CPED1: variants seen among roughly 807,000 people sequenced by gnomAD.
CPED1 encodes the protein cadherin-like and PC-esterase domain-containing protein 1.
Under a neutral mutation model 128.2 loss-of-function variants are expected in CPED1, and 114 were observed. The observed-to-expected ratio is 0.89, with a 90% CI of 0.76 to 1.04. CPED1 has a LOEUF of 1.04. CPED1 is among the 50% of genes least tolerant of loss of function. The pLI is 0.00. For missense variants in CPED1, 1,211 were observed against 1,207.1 expected, an observed-to-expected ratio of 1.00 and a Z score of -0.05; for synonymous variants, 462 against 426.7, an observed-to-expected ratio of 1.08 and a Z score of -1.02.
chr7:121,098,775 TATATAAAAATATATAA>T (rs1794764697), intron 6 of CPED1, among the ~76,000 whole-genome samples: 6 of 117,220 alleles, frequency 5.1e-5, no homozygotes, highest in Admixed American at 2.7e-4. Flanking sequence ...TAAATATATA[TATATAAAAATATATAA>T]AAATATATAT....
rs112651999 is a variant in CPED1, at chr7:121,118,884, T to C, written c.919-5447T>C. ...AGATCTCCTGAGAACTCATTCACAA[T>C]GACAAGAACAGCACCAAGCCACGAG... On this transcript the variant is annotated intron_variant, in intron 7 of 22. Coordinates refer to ENST00000310396, the MANE Select transcript of CPED1 (RefSeq NM_024913.5). 9.9e-3 allele frequency among the ~76,000 whole-genome samples: 1,508 copies of C among 152,196 alleles called. 27 individuals are homozygous for C. Among genetic ancestry groups the C allele is most frequent in the African/African-American group, 0.034 (1,408 of 41,516 alleles).
intron 4 of CPED1, among the ~76,000 whole-genome samples, chr7:121,048,442 C>T (rs1252268736): frequency 6.6e-6 from 1 of 152,178 alleles, no homozygotes; most frequent in Non-Finnish European, 1.5e-5. Flanking sequence ...GGGCCATCAC[C>T]CTTGAGCCCT....
chr7:121,279,717 T>C (rs891068311), intron 22 of CPED1, among the ~76,000 whole-genome samples: 5 of 152,174 alleles, frequency 3.3e-5, no homozygotes, highest in Non-Finnish European at 4.4e-5. Context: ...CCCCAGCCCA[T>C]ACAGTTGGGA....
intron 16 of CPED1, among the ~76,000 whole-genome samples, chr7:121,221,178 T>C (rs1357076457): frequency 1.3e-5 from 2 of 152,144 alleles, no homozygotes; most frequent in Non-Finnish European, 2.9e-5. Context: ...GTGTTCTCAT[T>C]GTTCAATTCC....
chr7:121,194,692 T>C (rs899886710), intron 16 of CPED1, among the ~76,000 whole-genome samples: 5 of 152,170 alleles, frequency 3.3e-5, no homozygotes, highest in Non-Finnish European at 7.4e-5. Context: ...GTAAAATAAG[T>C]TTTTAATTTT....
At chr7:121,133,490 T>C (rs1795718887) in intron 12 of CPED1, among the ~76,000 whole-genome samples, 2 of 152,084 alleles carry the variant, frequency 1.3e-5, no homozygotes, top group African/African-American at 4.8e-5. Flanking sequence ...CAAAACAGTG[T>C]AACTATAGCC....
intron 16 of CPED1, among the ~76,000 whole-genome samples, chr7:121,174,906 G>A (rs1796741204): frequency 6.6e-6 from 1 of 152,016 alleles, no homozygotes; most frequent in African/African-American, 2.4e-5. Context: ...TATTTGAGCA[G>A]TGTTTTGTGA....
chr7:121,245,662 C>T (rs1017616072), intron 18 of CPED1, among the ~76,000 whole-genome samples: 2 of 151,414 alleles, frequency 1.3e-5, no homozygotes, highest in Non-Finnish European at 2.9e-5. Flanking sequence ...GAGTAATTCA[C>T]TGATGATCAT....
chr7:121,126,681 A>C (rs1178923281), intron 9 of CPED1, among the ~76,000 whole-genome samples: 2 of 152,138 alleles, frequency 1.3e-5, no homozygotes, highest in African/African-American at 4.8e-5. Flanking sequence ...ATTTCTCCAT[A>C]AAAATTTAAA....
intron 4 of CPED1, among the ~76,000 whole-genome samples, chr7:121,060,279 C>A (rs569544928): frequency 6.6e-6 from 1 of 152,342 alleles, no homozygotes; most frequent in East Asian, 1.9e-4. Flanking sequence ...CCTTGCTCCA[C>A]GGCGCCCAGT....
chr7:121,128,975 A>G (rs1414822020), intron 11 of CPED1, among the ~76,000 whole-genome samples: 1 of 151,974 alleles, frequency 6.6e-6, no homozygotes, highest in African/African-American at 2.4e-5. Flanking sequence ...GAAAATGTAA[A>G]TAATTATAAC....
chr7:121,190,618 C>T (rs1418156965), intron 16 of CPED1, among the ~76,000 whole-genome samples: 1 of 151,978 alleles, frequency 6.6e-6, no homozygotes, highest in Admixed American at 6.6e-5. Flanking sequence ...TCAATTCTAA[C>T]TTTAGTAAAA....
intron 5 of CPED1, among the ~76,000 whole-genome samples, chr7:121,093,397 T>TACACACAC (rs10526224): frequency 0.068 from 9,904 of 145,426 alleles, 374 homozygotes; most frequent in Non-Finnish European, 0.086. Context: ...CCTTTTTCTG[T>TACACACAC]ACACACACAC....
rs368477632 is a variant in CPED1, at chr7:121,097,648, C to T, written c.617-51C>T. ...AGCATACTCTATTTTCAAAGCAGTT[C>T]CAGAAAGAAACAATAAAATGACTGT... On this transcript the variant is annotated intron_variant, in intron 5 of 22. Transcript: ENST00000310396. 8.0e-5 allele frequency: 129 copies of T among 1,602,946 alleles called. No individual in the cohort carries two copies. The African/African-American group carries it at 1.6e-3, about 19-fold the overall frequency.
intron 3 of CPED1, among the ~76,000 whole-genome samples, chr7:121,039,943 C>T (rs938466576): frequency 2.6e-5 from 4 of 151,962 alleles, no homozygotes; most frequent in African/African-American, 9.7e-5. Flanking sequence ...TTAGGGAGCT[C>T]AAAACTCATC....
At chr7:121,082,612 CTT>C (rs1175195738) in intron 5 of CPED1, among the ~76,000 whole-genome samples, 2 of 152,152 alleles carry the variant, frequency 1.3e-5, no homozygotes, top group Non-Finnish European at 2.9e-5. Context: ...ATGTCAGGCA[CTT>C]TATACACTTC....
chr7:121,282,634 C>A (rs1296167950), intron 22 of CPED1, among the ~76,000 whole-genome samples: 2 of 152,188 alleles, frequency 1.3e-5, no homozygotes, highest in African/African-American at 2.4e-5. Context: ...CAATGCTGGA[C>A]ACTGAATTTT....
chr7:121,159,562 G>A (rs1440745094), intron 16 of CPED1, among the ~76,000 whole-genome samples: 1 of 152,110 alleles, frequency 6.6e-6, no homozygotes, highest in African/African-American at 2.4e-5. Context: ...ATTTTTAAAT[G>A]AACCTACCTC....
intron 16 of CPED1, among the ~76,000 whole-genome samples, chr7:121,217,837 T>C (rs1797790897): frequency 1.3e-5 from 2 of 152,004 alleles, no homozygotes; most frequent in South Asian, 4.1e-4. Context: ...TGTAAATGTT[T>C]GTTTCCTTCA....
Sources: allele counts gnomAD v4.1 joint callset (sites outside exome capture counted in the v4.1 genomes callset), GRCh38; gene constraint gnomAD v4.1.1; transcripts MANE v1.5; gene names NCBI Gene and HGNC (gene_info 2026-07-23, HGNC 2026-07-21).